Variants in CDC42SE2 observed in about 807,000 individuals in gnomAD.
CDC42SE2 encodes CDC42 small effector protein 2.
CDC42SE2 carries 3 observed loss-of-function variants against 11.5 expected under a neutral mutation model. The observed-to-expected ratio is 0.26, with a 90% CI of 0.12 to 0.67. The LOEUF is 0.67. CDC42SE2 is among the 30% of genes least tolerant of loss of function. The probability of loss-of-function intolerance (pLI) is 0.80; values close to 1 mark genes in which losing one functional copy is unlikely to be tolerated. For missense variants in CDC42SE2, 82 were observed against 106.8 expected (o/e 0.77, Z 1.02); for synonymous variants, 33 against 34.8 (o/e 0.95, Z 0.18).
At chr5:131,336,970 C>G (rs535252800) in intron 2 of CDC42SE2, among the ~76,000 whole-genome samples, 1 of 152,214 alleles carries the variant, frequency 6.6e-6, no homozygotes, top group Admixed American at 6.5e-5. Flanking sequence ...TCTGTCAGCT[C>G]GTCAGTCATT....
chr5:131,315,678 C>T (rs918001623), intron 1 of CDC42SE2, among the ~76,000 whole-genome samples: 20 of 152,152 alleles, frequency 1.3e-4, no homozygotes, highest in African/African-American at 4.1e-4. Context: ...GGCAGTTATC[C>T]TTTAACCATG....
At chr5:131,252,431 A>G (rs1046076163) in intron 1 of CDC42SE2, among the ~76,000 whole-genome samples, 201 of 152,288 alleles carry the variant, frequency 1.3e-3, no homozygotes, top group Non-Finnish European at 2.1e-3. Context: ...AGGCGGGTGG[A>G]TTGCCTGAGG....
upstream of CDC42SE2, among the ~76,000 whole-genome samples, chr5:131,244,082 A>G (rs192410170): frequency 2.0e-4 from 30 of 152,372 alleles, no homozygotes; most frequent in Middle Eastern, 3.4e-3. Context: ...AACAAAAAGT[A>G]GTACTAGAGA....
chr5:131,267,475 G>C (rs1237836219), intron 1 of CDC42SE2, among the ~76,000 whole-genome samples: 1 of 152,002 alleles, frequency 6.6e-6, no homozygotes, highest in Non-Finnish European at 1.5e-5. Flanking sequence ...TGTTATAATT[G>C]CTGGAATATT....
the CDC42SE2 span, among the ~76,000 whole-genome samples, chr5:131,240,073 C>G: frequency 6.6e-6 from 1 of 152,208 alleles, no homozygotes; most frequent in Non-Finnish European, 1.5e-5. Flanking sequence ...AGTTCATACA[C>G]TTTCCACTCT....
chr5:131,294,997 T>C (rs1280037479), intron 1 of CDC42SE2, among the ~76,000 whole-genome samples: 1 of 151,974 alleles, frequency 6.6e-6, no homozygotes, highest in African/African-American at 2.4e-5. Context: ...CGTGATGGCA[T>C]GCACCTGTAG....
chr5:131,259,048 T>A (rs932360613), upstream of CDC42SE2, among the ~76,000 whole-genome samples: 5 of 152,202 alleles, frequency 3.3e-5, no homozygotes, highest in African/African-American at 1.2e-4. Flanking sequence ...AGGGCCACTG[T>A]CCATGATTAT....
Position 131,391,160 on chromosome 5 carries a change from A to G in CDC42SE2, c.*69A>G. Reference sequence around the variant, plus strand: ...CCTGACGGCCAGACATGGCCAGGCCAATAATAGTAAATATATGTATATATA... The same window carrying G: ...CCTGACGGCCAGACATGGCCAGGCCGATAATAGTAAATATATGTATATATA... On this transcript the variant is annotated 3_prime_UTR_variant, in exon 5 of 5. Coordinates refer to ENST00000505065, the MANE Select transcript of CDC42SE2 (RefSeq NM_001375635.1). 1.1e-6 allele frequency: 1 copy of G among 870,086 alleles called. No homozygotes were observed. The highest frequency in any genetic ancestry group is 2.4e-5 in the Admixed American group (1 of 41,930). 53.9% of individuals were successfully genotyped at this position (870,086 alleles called of 1,614,324 possible). A position where few individuals can be genotyped will look rare whatever the true frequency, so the allele number is the denominator to read the frequency against.
At chr5:131,360,784 G>A (rs1408853586) in intron 3 of CDC42SE2, among the ~76,000 whole-genome samples, 5 of 151,858 alleles carry the variant, frequency 3.3e-5, no homozygotes, top group Admixed American at 2.0e-4. Context: ...AATTGTACAC[G>A]TAACTCCCAA....
At chr5:131,350,465 A>C (rs2149762338) in intron 2 of CDC42SE2, among the ~76,000 whole-genome samples, 1 of 152,242 alleles carries the variant, frequency 6.6e-6, no homozygotes, top group Non-Finnish European at 1.5e-5. Flanking sequence ...TGATTGATTC[A>C]TAATCCTGAG....
At chr5:131,212,481 A>G in the CDC42SE2 span, among the ~76,000 whole-genome samples, 1 of 152,112 alleles carries the variant, frequency 6.6e-6, no homozygotes, top group Non-Finnish European at 1.5e-5. Flanking sequence ...TGCTGTCCTT[A>G]GGCTTATGGG....
At chr5:131,257,886 AC>A (rs1756691034) in intron 2 of CDC42SE2, among the ~76,000 whole-genome samples, 1 of 151,450 alleles carries the variant, frequency 6.6e-6, no homozygotes, top group Non-Finnish European at 1.5e-5. Flanking sequence ...GAGATGGGAG[AC>A]CCCCTGGTGC....
chr5:131,309,862 G>A (rs944197045), intron 1 of CDC42SE2, among the ~76,000 whole-genome samples: 6 of 151,680 alleles, frequency 4.0e-5, no homozygotes, highest in East Asian at 1.9e-4. Context: ...TCTTGCTAGC[G>A]GTCTATCAAT....
intron 1 of CDC42SE2, among the ~76,000 whole-genome samples, chr5:131,275,645 A>G (rs1757085752): frequency 8.4e-6 from 1 of 119,518 alleles, no homozygotes; most frequent in African/African-American, 3.3e-5. Context: ...TTGGGTGCCA[A>G]AACTTCATTA....
intron 1 of CDC42SE2, among the ~76,000 whole-genome samples, chr5:131,248,902 C>G (rs1756617653): frequency 6.6e-6 from 1 of 151,948 alleles, no homozygotes; most frequent in Admixed American, 6.6e-5. Flanking sequence ...ATCAAAATAC[C>G]CAATGTAATT....
At chr5:131,335,796 C>T (rs1345006567) in intron 2 of CDC42SE2, among the ~76,000 whole-genome samples, 4 of 152,190 alleles carry the variant, frequency 2.6e-5, no homozygotes, top group Non-Finnish European at 4.4e-5. Context: ...GCAACCCCTG[C>T]CTTTTTTTGT....
chr5:131,309,411 T>C (rs1056080707), intron 1 of CDC42SE2, among the ~76,000 whole-genome samples: 8 of 152,170 alleles, frequency 5.3e-5, no homozygotes, highest in Non-Finnish European at 1.0e-4. Context: ...AATTCTCTTT[T>C]TTGGTTGTGT....
intron 2 of CDC42SE2, among the ~76,000 whole-genome samples, chr5:131,345,572 T>C (rs1432657792): frequency 6.6e-6 from 1 of 152,148 alleles, no homozygotes; most frequent in South Asian, 2.1e-4. Flanking sequence ...TGGAAAACAC[T>C]CTGCAGGGTA....
intron 1 of CDC42SE2, among the ~76,000 whole-genome samples, chr5:131,268,806 A>G (rs1366013919): frequency 7.5e-6 from 1 of 132,784 alleles, no homozygotes; most frequent in East Asian, 2.2e-4. Flanking sequence ...GCTGGAGTGC[A>G]GTGGTCCCAT....
Sources: gnomAD v4.1 joint callset for allele counts (sites outside exome capture counted in the v4.1 genomes callset) on GRCh38, gnomAD v4.1.1 for gene constraint, MANE v1.5 for transcripts, NCBI Gene and HGNC (gene_info 2026-07-23, HGNC 2026-07-21) for gene names.